MOB2: variants seen among roughly 807,000 people sequenced by gnomAD.
MOB2 encodes the protein MOB2 Mps One Binder homolog.
Under a neutral mutation model 27.4 loss-of-function variants are expected in MOB2, and 14 were observed. The ratio of observed to expected loss-of-function variants is 0.51; its 90% CI spans 0.34 to 0.80. The LOEUF is 0.80. Ranked by LOEUF, MOB2 falls within the 30% of genes least tolerant of loss-of-function variation. The pLI is 0.01. For synonymous variants in MOB2, 167 were observed against 151.8 expected, an observed-to-expected ratio of 1.10 and a Z score of -0.74; for missense variants, 304 against 354.6, an observed-to-expected ratio of 0.86 and a Z score of 1.15.
chr11:1,476,949 A>C (rs1202929797), intron 3 of MOB2, among the ~76,000 whole-genome samples: 2 of 152,096 alleles, frequency 1.3e-5, no homozygotes, highest in Non-Finnish European at 2.9e-5. Context: ...CTTACTTCGT[A>C]TGGTTTTGAT....
At chr11:1,477,783 T>A (rs1440689853) in intron 3 of MOB2, among the ~76,000 whole-genome samples, 1 of 152,192 alleles carries the variant, frequency 6.6e-6, no homozygotes, top group Non-Finnish European at 1.5e-5. Context: ...CGTGACAGCA[T>A]CCCGAATGAA....
chr11:1,470,171 C>G lies in MOB2; in HGVS notation c.*1G>C. The G allele has an allele frequency of 6.3e-7, 1 of 1,595,292 alleles. No homozygotes were observed. The highest frequency in any genetic ancestry group is 8.5e-7 in the Non-Finnish European group (1 of 1,171,372). ...GTGTGCCCCTGTCCGGCCCGGGGGG[C>G]TCATCTCTCCTTCACGTGGTTCTGT... On this transcript the variant is annotated 3_prime_UTR_variant, in exon 5 of 5. Coordinates refer to ENST00000329957, the MANE Select transcript of MOB2 (RefSeq NM_001172223.3).
At chr11:1,486,315 C>T (rs1847969341) in intron 1 of MOB2, 132 bp downstream of exon 1, 9 of 692,160 alleles carry the variant, frequency 1.3e-5, no homozygotes, top group Middle Eastern at 3.0e-4. Context: ...GCTGCACAGC[C>T]GCCGGCCACA....
chr11:1,481,373 C>A (rs529507571), intron 1 of MOB2: 9 of 205,676 alleles, frequency 4.4e-5, no homozygotes, highest in South Asian at 6.5e-5. Flanking sequence ...CCTTCCTGGC[C>A]AGCCTGAGAG....
rs1173480033 is a variant in MOB2 at position 1,484,710 on chromosome 11, C to A, written c.110+1737G>T. On this transcript the variant is annotated intron_variant, in intron 1 of 4. Coordinates refer to ENST00000329957, the MANE Select transcript of MOB2 (RefSeq NM_001172223.3). ...GTGTTGAGGGGGGGCCTGAAAACTG[C>A]ATTTCTAACACCGTGTTCTAACCCG... 1.3e-5 allele frequency among the ~76,000 whole-genome samples: 2 copies of A among 152,248 alleles called. 1 individual carries two copies. Among genetic ancestry groups the A allele is most frequent in the South Asian group, 4.2e-4 (2 of 4,816 alleles).
intron 3 of MOB2, among the ~76,000 whole-genome samples, chr11:1,477,379 T>C (rs1847862803): frequency 6.6e-6 from 1 of 152,208 alleles, no homozygotes; most frequent in Non-Finnish European, 1.5e-5. Context: ...TCTCAGCACA[T>C]CTTGTCCTCT....
chr11:1,485,448 G>A (rs959570962), intron 1 of MOB2, among the ~76,000 whole-genome samples: 3 of 152,200 alleles, frequency 2.0e-5, no homozygotes, highest in Non-Finnish European at 2.9e-5. Context: ...GTCACCGGCC[G>A]GCACTCTTGT....
intron 3 of MOB2, among the ~76,000 whole-genome samples, chr11:1,477,103 G>T (rs962931490): frequency 1.4e-4 from 21 of 152,114 alleles, no homozygotes; most frequent in African/African-American, 4.1e-4. Context: ...TGGGGTCATC[G>T]GGCTCCGTGC....
chr11:1,474,499 A>G (rs1034290924), intron 3 of MOB2, among the ~76,000 whole-genome samples: 31 of 152,254 alleles, frequency 2.0e-4, no homozygotes, highest in African/African-American at 7.5e-4. Context: ...CATGAGGGAT[A>G]GGTCAGCGTT....
chr11:1,471,537 G>C, intron 3 of MOB2, 118 bp from the exon 4 acceptor site: 1 of 1,308,080 alleles, frequency 7.6e-7, no homozygotes, highest in Non-Finnish European at 1.1e-6. Context: ...AGGTGTGGCA[G>C]ACCCAGGTGT....
In MOB2 at chr11:1,470,133, T is replaced by A; in HGVS notation, c.*39A>T. 6.4e-7 allele frequency: 1 copy of A among 1,557,764 alleles called. No homozygotes were observed. The highest frequency in any genetic ancestry group is 8.7e-7 in the Non-Finnish European group (1 of 1,151,752). ...ATGCAGGAGAGAACACACACCACCGTCTCTTTGCACACGTGTGCCCCTGTC... is the reference window on the plus strand; with the variant it reads ...ATGCAGGAGAGAACACACACCACCGACTCTTTGCACACGTGTGCCCCTGTC... On this transcript the variant is annotated 3_prime_UTR_variant, in exon 5 of 5. Coordinates refer to ENST00000329957, the MANE Select transcript of MOB2 (RefSeq NM_001172223.3).
At chr11:1,480,996 C>A in intron 1 of MOB2, 111 bp from the exon 2 acceptor site, 1 of 1,320,904 alleles carries the variant, frequency 7.6e-7, no homozygotes, top group South Asian at 1.4e-5. Flanking sequence ...CCGAGCCCAT[C>A]GGGGCGACAC....
Position 1,470,261 on chromosome 11 carries a change from T to C in MOB2, c.718A>G (p.Ser240Gly), listed in dbSNP as rs772757045. Reference protein sequence around the residue: ...IMDDLTEVLCSGAGGVHSGGS... With the variant: ...IMDDLTEVLCGGAGGVHSGGS... ...CCACTGTGGACCCCGCCGGCCCCGC[T>C]GCATAGCACCTCGGTGAGGTCGTCC... The change falls in exon 5 of 5, where the codon AGC becomes GGC. Residue 240 changes from serine (S) to glycine (G), a missense_variant. Coordinates refer to ENST00000329957, the MANE Select transcript of MOB2 (RefSeq NM_001172223.3). The C allele has an allele frequency of 1.2e-6, 2 of 1,612,432 alleles. No homozygotes were observed. The highest frequency in any genetic ancestry group is 2.2e-5 in the East Asian group (1 of 44,888).
intron 1 of MOB2, chr11:1,481,283 T>C (rs987731480): frequency 1.8e-5 from 5 of 284,212 alleles, no homozygotes; most frequent in African/African-American, 6.7e-5. Context: ...CTGGCTTCTT[T>C]TGAGTTGGCC....
chr11:1,478,155 C>T (rs890580808), intron 3 of MOB2, among the ~76,000 whole-genome samples: 3 of 152,112 alleles, frequency 2.0e-5, no homozygotes, highest in Admixed American at 6.5e-5. Flanking sequence ...ACAGCCCCAC[C>T]GCCGCCAGGC....
chr11:1,471,406 A>G lies in MOB2; in HGVS notation c.379T>C (p.Tyr127His). The stretch of plus-strand genomic sequence containing the variant: ...TTGACCTTCTTCCCCCGCTCGTCAT[A>G]CCAGTAGTACTGTCTGTGGAGACAG... ...MAVCNTQYYW[Y>H]DERGKKVKCT... Residue 127 changes from tyrosine to histidine, a missense_variant, in exon 4 of 5, where the codon TAT becomes CAT. By Grantham distance (83) the Tyr-to-His change is moderately conservative. Transcript: ENST00000329957. 6.2e-7 allele frequency: 1 copy of G among 1,612,584 alleles called. No individual in the cohort carries two copies. Among genetic ancestry groups the G allele is most frequent in the Non-Finnish European group, 8.5e-7 (1 of 1,179,336 alleles).
At chr11:1,482,731 C>T (rs376125719) in intron 1 of MOB2, among the ~76,000 whole-genome samples, 173 of 152,352 alleles carry the variant, frequency 1.1e-3, no homozygotes, top group African/African-American at 4.0e-3. Flanking sequence ...CCGGGTCACT[C>T]ATTCCCATGG....
intron 1 of MOB2, among the ~76,000 whole-genome samples, chr11:1,482,616 G>A (rs1360622925): frequency 1.3e-5 from 2 of 152,336 alleles, no homozygotes; most frequent in East Asian, 1.9e-4. Context: ...GGGCCTCCCC[G>A]AGCTGCTCCC....
intron 3 of MOB2, among the ~76,000 whole-genome samples, chr11:1,477,700 C>T (rs764837572): frequency 4.6e-5 from 7 of 152,158 alleles, no homozygotes; most frequent in Non-Finnish European, 8.8e-5. Context: ...GGATCTTCAC[C>T]TTGGACTTTC....
Sources: gnomAD v4.1 joint callset for allele counts (sites outside exome capture counted in the v4.1 genomes callset) on GRCh38, gnomAD v4.1.1 for gene constraint, MANE v1.5 for transcripts, NCBI Gene and HGNC (gene_info 2026-07-23, HGNC 2026-07-21) for gene names.